FGF12: variants seen among roughly 807,000 people sequenced by gnomAD.
FGF12 encodes fibroblast growth factor 12B.
A neutral mutation model predicts 23.6 loss-of-function variants in FGF12; 14 were observed. The ratio of observed to expected loss-of-function variants is 0.59; its 90% CI spans 0.39 to 0.93. The LOEUF (loss-of-function observed/expected upper bound fraction) is 0.93. Ranked by LOEUF, FGF12 falls within the 40% of genes least tolerant of loss-of-function variation. The pLI is 0.00. For missense variants in FGF12, 175 were observed against 217.8 expected (o/e 0.80, Z 1.24); for synonymous variants, 62 against 77.3 (o/e 0.80, Z 1.04).
At chr3:192,515,403 C>A (rs1038141907) in intron 2 of FGF12, 4 of 152,956 alleles carry the variant, frequency 2.6e-5, no homozygotes, top group Non-Finnish European at 5.8e-5. Flanking sequence ...ATAAAGAAAG[C>A]TCCTGGGTGC....
chr3:192,281,326 C>CCTT, intron 4 of FGF12, among the ~76,000 whole-genome samples: 1 of 152,204 alleles, frequency 6.6e-6, no homozygotes, highest in South Asian at 2.1e-4. Context: ...CTTCACACGG[C>CCTT]CTTCTACCTG....
intron 2 of FGF12, among the ~76,000 whole-genome samples, chr3:192,606,260 T>A (rs960723351): frequency 3.3e-5 from 5 of 152,174 alleles, no homozygotes; most frequent in Admixed American, 6.6e-5. Context: ...CTAAGCAAAT[T>A]AATGCATGAA....
At chr3:192,727,354 C>T (rs1719253206) in intron 1 of FGF12, 31 bp from the exon 2 acceptor site, 1 of 1,525,184 alleles carries the variant, frequency 6.6e-7, no homozygotes, top group Non-Finnish European at 8.8e-7. Flanking sequence ...AACCTTGAAG[C>T]TGCAATCAGC....
intron 2 of FGF12, among the ~76,000 whole-genome samples, chr3:192,577,086 A>G (rs112305967): frequency 0.082 from 12,480 of 152,152 alleles, 1,693 homozygotes; most frequent in African/African-American, 0.28. Context: ...GGATAGCATT[A>G]GGAGAAATAC....
chr3:192,420,066 A>G (rs1217690257), intron 2 of FGF12, among the ~76,000 whole-genome samples: 1 of 152,174 alleles, frequency 6.6e-6, no homozygotes, highest in Non-Finnish European at 1.5e-5. Flanking sequence ...TCAAAACTAC[A>G]GTGGATTCTA....
intron 4 of FGF12, among the ~76,000 whole-genome samples, chr3:192,264,831 T>A (rs1712979602): frequency 6.6e-6 from 1 of 152,068 alleles, no homozygotes; most frequent in African/African-American, 2.4e-5. Flanking sequence ...AGCAAATGTC[T>A]AGTGAACCTT....
At position 192,297,982 on chromosome 3, in the gene FGF12, C is replaced by T. The variant is rs567750906; in HGVS notation, c.228+37379G>A. On this transcript the variant is annotated intron_variant, in intron 4 of 5. Transcript: ENST00000445105. Reference sequence around the variant, plus strand: ...AGAATGTCTATATTTCTGAATATAACACTGAGAAGGCATTTGTAACCGCTA... The same window carrying T: ...AGAATGTCTATATTTCTGAATATAATACTGAGAAGGCATTTGTAACCGCTA... 1.1e-4 allele frequency among the ~76,000 whole-genome samples: 16 copies of T among 152,266 alleles called. No homozygotes were observed. In the South Asian group the frequency reaches 3.1e-3, roughly 30 times the overall value.
At chr3:192,588,664 T>C (rs1389435235) in intron 2 of FGF12, among the ~76,000 whole-genome samples, 5 of 151,956 alleles carry the variant, frequency 3.3e-5, no homozygotes, top group Non-Finnish European at 7.4e-5. Flanking sequence ...TTATTATTCC[T>C]ACTTTATACA....
rs890997849 is a variant in FGF12 at position 192,408,837 on chromosome 3, G to A, written c.14-48299C>T. ...GGAAGGCAGCAATTTAACTCCCTGC[G>A]GCCCGCGGTTCTGAAGATTAGGAGG... On this transcript the variant is annotated intron_variant, in intron 2 of 5. Coordinates refer to ENST00000445105, the MANE Select transcript of FGF12 (RefSeq NM_004113.6). The surrounding 1 kb of genome is among the most constrained non-coding windows in gnomAD (Gnocchi z 7.3). 1.9e-5 allele frequency: 19 copies of A among 985,422 alleles called. No homozygotes were observed. The highest frequency in any genetic ancestry group is 1.8e-5 in the Non-Finnish European group (15 of 830,088). The allele number at this position is 985,422 out of a possible 1,614,324, so 61.0% of individuals were successfully genotyped here.
intron 2 of FGF12, among the ~76,000 whole-genome samples, chr3:192,479,983 A>G (rs7614349): frequency 0.099 from 15,075 of 151,688 alleles, 2,439 homozygotes; most frequent in African/African-American, 0.34. Context: ...ATTGGGATTG[A>G]GAAAGAGAAG....
intron 4 of FGF12, among the ~76,000 whole-genome samples, chr3:192,301,338 T>C (rs1017298620): frequency 6.6e-6 from 1 of 152,170 alleles, no homozygotes; most frequent in Non-Finnish European, 1.5e-5. Flanking sequence ...TCCCACTAAA[T>C]AGTCACTTGG....
chr3:192,371,528 T>C (rs1044197731), intron 2 of FGF12, among the ~76,000 whole-genome samples: 3 of 152,236 alleles, frequency 2.0e-5, no homozygotes, highest in African/African-American at 7.2e-5. Context: ...GCTCTATGAC[T>C]AGGAAGCCAC....
intron 2 of FGF12, among the ~76,000 whole-genome samples, chr3:192,399,699 T>G (rs997260753): frequency 3.3e-5 from 5 of 152,222 alleles, no homozygotes; most frequent in Admixed American, 3.3e-4. Flanking sequence ...ATTAGTACGT[T>G]TAAAAACTCT....
chr3:192,684,745 C>T (rs956444136), intron 2 of FGF12, among the ~76,000 whole-genome samples: 26 of 152,100 alleles, frequency 1.7e-4, no homozygotes, highest in African/African-American at 6.0e-4. Context: ...GTTGTCATGA[C>T]TTATATTTAG....
At chr3:192,640,687 T>C (rs1048525060) in intron 2 of FGF12, among the ~76,000 whole-genome samples, 7 of 152,186 alleles carry the variant, frequency 4.6e-5, no homozygotes, top group African/African-American at 1.7e-4. Context: ...AAAAGTTCAT[T>C]TTTCTATATA....
At chr3:192,234,116 A>G (rs2038786959) in intron 4 of FGF12, among the ~76,000 whole-genome samples, 1 of 152,100 alleles carries the variant, frequency 6.6e-6, no homozygotes, top group South Asian at 2.1e-4. Context: ...GATTGATAAG[A>G]ATGGTATTGA....
intron 4 of FGF12, among the ~76,000 whole-genome samples, chr3:192,293,618 G>T (rs182628321): frequency 2.8e-3 from 420 of 152,258 alleles, no homozygotes; most frequent in Middle Eastern, 6.8e-3. Context: ...TCTCAGGAAT[G>T]TAGCACTGAC....
chr3:192,389,329 C>G (rs933124271), intron 2 of FGF12, among the ~76,000 whole-genome samples: 16 of 152,334 alleles, frequency 1.1e-4, no homozygotes, highest in Non-Finnish European at 2.9e-5. Context: ...CACCACCACA[C>G]TCCAGCCTGG....
chr3:192,615,653 C>A (rs1170490402), intron 2 of FGF12, among the ~76,000 whole-genome samples: 4 of 151,812 alleles, frequency 2.6e-5, no homozygotes, highest in Non-Finnish European at 4.4e-5. Flanking sequence ...CAGAAGTGCT[C>A]AAAATATATA....
Sources: allele counts gnomAD v4.1 joint callset (sites outside exome capture counted in the v4.1 genomes callset), GRCh38; gene constraint gnomAD v4.1.1; non-coding constraint Gnocchi (gnomAD v3.1); transcripts MANE v1.5; gene names NCBI Gene and HGNC (gene_info 2026-07-23, HGNC 2026-07-21).